The following PTPRN2 variants were observed in gnomAD, a reference collection of about 807,000 sequenced individuals.
PTPRN2 encodes the protein protein tyrosine phosphatase receptor type N2.
Under a neutral mutation model 118.8 loss-of-function variants are expected in PTPRN2, and 74 were observed. The ratio of observed to expected loss-of-function variants is 0.62; its 90% CI spans 0.52 to 0.76. PTPRN2 has a LOEUF of 0.76. Among genes scored for constraint, PTPRN2 ranks in the 30% least tolerant of loss-of-function variants. PTPRN2 has a pLI of 0.00. For missense variants in PTPRN2, 1,481 were observed against 1,394.4 expected, an observed-to-expected ratio of 1.06 and a Z score of -0.99; for synonymous variants, 641 against 608.0, an observed-to-expected ratio of 1.05 and a Z score of -0.80.
intron 5 of PTPRN2, among the ~76,000 whole-genome samples, chr7:158,191,202 C>T (rs1324233216): frequency 6.6e-6 from 1 of 152,188 alleles, no homozygotes; most frequent in Non-Finnish European, 1.5e-5. Context: ...GGCTCGATGG[C>T]AGGAACATAA....
chr7:158,140,082 C>T (rs781246710), intron 6 of PTPRN2, among the ~76,000 whole-genome samples: 7 of 152,154 alleles, frequency 4.6e-5, no homozygotes, highest in African/African-American at 1.2e-4. Flanking sequence ...CAAGAAAGAC[C>T]GTCTTCTTTT....
rs1215690718 is a variant in PTPRN2 at position 157,598,627 on chromosome 7, T to C, written c.2419-3312A>G. On this transcript the variant is annotated intron_variant, in intron 16 of 22. Transcript: ENST00000389418. This position sits in a 1 kb window ranked among gnomAD's most constrained non-coding sequence, Gnocchi z 5.2. ...GCACGTGCATGTGCAGACTCGTCTGTGTGTATGTGTGTGTCCTGGTGTTGG... is the reference window on the plus strand; with the variant it reads ...GCACGTGCATGTGCAGACTCGTCTGCGTGTATGTGTGTGTCCTGGTGTTGG... Among the ~76,000 whole-genome samples, 5 of 152,194 alleles carry C rather than the reference T, an allele frequency of 3.3e-5. No individual in the cohort carries two copies. The highest frequency in any genetic ancestry group is 7.3e-5 in the Non-Finnish European group (5 of 68,042).
At chr7:158,008,116 TGTGTGG>T (rs1219791225) in intron 11 of PTPRN2, among the ~76,000 whole-genome samples, 1 of 139,794 alleles carries the variant, frequency 7.2e-6, no homozygotes, top group Non-Finnish European at 1.6e-5. Flanking sequence ...GTGTGCTGTG[TGTGTGG>T]GTGTGTACAT....
chr7:158,136,774 C>A, intron 7 of PTPRN2, 79 bp from the exon 8 acceptor site: 1 of 1,333,382 alleles, frequency 7.5e-7, no homozygotes, highest in Non-Finnish European at 1.1e-6. Flanking sequence ...AAGGGTGACC[C>A]TGCAGACCCC....
chr7:157,607,987 G>A (rs953799948), intron 15 of PTPRN2, among the ~76,000 whole-genome samples: 2 of 152,142 alleles, frequency 1.3e-5, no homozygotes, highest in Admixed American at 1.3e-4. Context: ...TCAAGGACCC[G>A]GCTTCCATGA....
chr7:158,531,748 A>G (rs112726281), intron 1 of PTPRN2, among the ~76,000 whole-genome samples: 228 of 152,254 alleles, frequency 1.5e-3, no homozygotes, highest in African/African-American at 5.4e-3. Context: ...ACAACCTCCA[A>G]ACACCAGGCT....
chr7:158,444,970 G>A (rs376681396), intron 2 of PTPRN2, among the ~76,000 whole-genome samples: 3 of 152,176 alleles, frequency 2.0e-5, no homozygotes, highest in Non-Finnish European at 2.9e-5. Context: ...GCCAGACCAC[G>A]GCCCTCTGCA....
At chr7:158,135,018 C>T (rs990685176) in intron 8 of PTPRN2, among the ~76,000 whole-genome samples, 3 of 152,150 alleles carry the variant, frequency 2.0e-5, no homozygotes, top group African/African-American at 7.2e-5. Context: ...ACACTGCTTC[C>T]TAGGAAAGAC....
intron 11 of PTPRN2, among the ~76,000 whole-genome samples, chr7:157,950,175 T>C (rs957667991): frequency 6.6e-6 from 1 of 152,264 alleles, no homozygotes; most frequent in Admixed American, 6.5e-5. Context: ...GTGTGTTCAG[T>C]ATCTGTGTGC....
intron 1 of PTPRN2, among the ~76,000 whole-genome samples, chr7:158,511,926 A>AT (rs1056650214): frequency 2.0e-5 from 3 of 152,104 alleles, no homozygotes; most frequent in South Asian, 2.1e-4. Context: ...GAAATAGATG[A>AT]TTTTTTTAGG....
chr7:157,920,892 GA>G (rs35089750), intron 11 of PTPRN2, among the ~76,000 whole-genome samples: 84 of 152,134 alleles, frequency 5.5e-4, no homozygotes, highest in Admixed American at 7.9e-4. Flanking sequence ...CACAGTTCAT[GA>G]AAAAAACAAC....
intron 2 of PTPRN2, among the ~76,000 whole-genome samples, chr7:158,322,404 G>A (rs1026900946): frequency 2.6e-5 from 4 of 151,736 alleles, no homozygotes; most frequent in African/African-American, 7.3e-5. Flanking sequence ...GTCAGAGAAC[G>A]AACAGCGGCC....
intron 3 of PTPRN2, among the ~76,000 whole-genome samples, chr7:158,222,644 A>G (rs1828457901): frequency 6.6e-6 from 1 of 152,188 alleles, no homozygotes; most frequent in Non-Finnish European, 1.5e-5. Flanking sequence ...GGGTGGCAGG[A>G]TTGTTATCAC....
intron 11 of PTPRN2, among the ~76,000 whole-genome samples, chr7:158,018,563 C>G (rs1482175394): frequency 6.6e-6 from 1 of 152,164 alleles, no homozygotes; most frequent in Non-Finnish European, 1.5e-5. Context: ...ATCATCTCGG[C>G]TTGAAATGGA....
At chr7:158,384,075 T>A (rs1811153728) in intron 2 of PTPRN2, among the ~76,000 whole-genome samples, 1 of 152,162 alleles carries the variant, frequency 6.6e-6, no homozygotes, top group Admixed American at 6.6e-5. Context: ...CTCTGTCTCA[T>A]CGCTGGTCAT....
chr7:158,000,491 T>G (rs564299460), intron 11 of PTPRN2, among the ~76,000 whole-genome samples: 1 of 151,652 alleles, frequency 6.6e-6, no homozygotes, highest in East Asian at 2.0e-4. Context: ...TCCTTCTTCC[T>G]CCTCCTCTTT....
rs200123865 is a variant in PTPRN2 at position 158,050,197 on chromosome 7, TAA to T, written c.1723+31099_1723+31100del. 4.8e-3 allele frequency among the ~76,000 whole-genome samples: 726 copies of T among 152,362 alleles called. 6 individuals carry two copies. The highest frequency in any genetic ancestry group is 0.017 in the African/African-American group (702 of 41,592). ...TAAAACACTGTTATTAGAATTACTT[TAA>T]AAAGAGTGAAAATATTCAGGGAATG... is the stretch of plus-strand genomic sequence containing the variant. On this transcript the variant is annotated intron_variant, in intron 11 of 22. Coordinates refer to ENST00000389418, the MANE Select transcript of PTPRN2 (RefSeq NM_002847.5).
At chr7:158,455,031 A>G (rs115515234) in intron 2 of PTPRN2, among the ~76,000 whole-genome samples, 2,885 of 152,336 alleles carry the variant, frequency 0.019, 86 homozygotes, top group South Asian at 0.067. Context: ...AACCCACTTC[A>G]GGAAAACCCA....
chr7:157,658,544 TG>T (rs959390280), intron 13 of PTPRN2, among the ~76,000 whole-genome samples: 3 of 152,142 alleles, frequency 2.0e-5, no homozygotes, highest in Admixed American at 6.5e-5. Flanking sequence ...CCCGGCCGTA[TG>T]GGACCCGCCT....
Sources: gnomAD v4.1 joint callset for allele counts (sites outside exome capture counted in the v4.1 genomes callset) on GRCh38, gnomAD v4.1.1 for gene constraint, Gnocchi (gnomAD v3.1) non-coding constraint, MANE v1.5 for transcripts, NCBI Gene and HGNC (gene_info 2026-07-23, HGNC 2026-07-21) for gene names.